Variants in DGLUCY observed in about 807,000 individuals in gnomAD.
The protein encoded by DGLUCY is D-glutamate cyclase.
Under a neutral mutation model 58.5 loss-of-function variants are expected in DGLUCY, and 58 were observed. The ratio of observed to expected loss-of-function variants is 0.99; its 90% CI spans 0.80 to 1.23. DGLUCY has a LOEUF of 1.23. Ranked by LOEUF, DGLUCY falls within the 50% of genes most tolerant of loss-of-function variation. The probability of loss-of-function intolerance (pLI) is 0.00; values close to 1 mark genes in which losing one functional copy is unlikely to be tolerated. For missense variants in DGLUCY, 779 were observed against 784.7 expected (o/e 0.99, Z 0.09); for synonymous variants, 325 against 314.1 (o/e 1.03, Z -0.37).
chr14:91,144,147 A>G (rs150018702), intron 1 of DGLUCY, among the ~76,000 whole-genome samples: 198 of 152,352 alleles, frequency 1.3e-3, no homozygotes, highest in African/African-American at 4.4e-3. Flanking sequence ...CATTCAGCCC[A>G]GAGCCTGGTA....
At chr14:91,111,236 G>A (rs2044691420), upstream of DGLUCY, among the ~76,000 whole-genome samples, 1 of 109,908 alleles carries the variant, frequency 9.1e-6, no homozygotes, top group African/African-American at 3.7e-5. Flanking sequence ...GTGTGTGTGT[G>A]TGTGTGTGTG....
chr14:91,207,285 A>G (rs1427452526), intron 12 of DGLUCY, among the ~76,000 whole-genome samples: 1 of 152,104 alleles, frequency 6.6e-6, no homozygotes, highest in Non-Finnish European at 1.5e-5. Context: ...GAGCTTCAAG[A>G]TATCTCAACA....
chr14:91,172,515 G>A (rs943012653), intron 5 of DGLUCY, among the ~76,000 whole-genome samples: 6 of 152,166 alleles, frequency 3.9e-5, no homozygotes, highest in South Asian at 2.1e-4. Context: ...TTCATATCAC[G>A]TTAGAGTTCT....
chr14:91,175,054 A>G (rs780270453), intron 6 of DGLUCY, among the ~76,000 whole-genome samples: 1 of 152,128 alleles, frequency 6.6e-6, no homozygotes, highest in Non-Finnish European at 1.5e-5. Context: ...TGAACTTCCA[A>G]TGAATCTGGG....
chr14:91,114,073 A>C lies in DGLUCY; in HGVS notation c.-292A>C, dbSNP rs2044761951. 2 of 152,360 alleles carry C rather than the reference A, an allele frequency of 1.3e-5. No homozygotes were observed. The allele number at this position is 152,360 out of a possible 1,614,324, so 9.4% of individuals were successfully genotyped here. On this transcript the variant is annotated 5_prime_UTR_variant, in exon 1 of 14. Coordinates refer to ENST00000256324, the MANE Select transcript of DGLUCY (RefSeq NM_001102368.3). ...GCTGCTGCATGGGCCACGTGAGCTC[A>C]GGCTGTGGGAGCGGATGGAGCTGCT...
At chr14:91,184,330 G>A (rs2049355045) in intron 8 of DGLUCY, among the ~76,000 whole-genome samples, 1 of 151,634 alleles carries the variant, frequency 6.6e-6, no homozygotes, top group Non-Finnish European at 1.5e-5. Flanking sequence ...GATCACTTGA[G>A]GTCAGGAGTT....
At position 91,224,994 on chromosome 14, in the gene DGLUCY, G is replaced by T; in HGVS notation, c.*161G>T. On this transcript the variant is annotated 3_prime_UTR_variant, in exon 14 of 14. Transcript: ENST00000256324. Reference sequence around the variant, plus strand: ...AAACTGCATGCCCACTTTCTGGGAGGGGTTAGTGCAGGTGCTGTGGACAAA... The same window carrying T: ...AAACTGCATGCCCACTTTCTGGGAGTGGTTAGTGCAGGTGCTGTGGACAAA... 1 of 798,712 alleles carries T rather than the reference G, an allele frequency of 1.3e-6. No homozygotes were observed. Among genetic ancestry groups the T allele is most frequent in the Non-Finnish European group, 1.8e-6 (1 of 543,892 alleles). The allele number at this position is 798,712 out of a possible 1,614,324, so 49.5% of individuals were successfully genotyped here.
chr14:91,083,152 C>T (rs1484487148), intron 1 of DGLUCY, among the ~76,000 whole-genome samples: 1 of 152,182 alleles, frequency 6.6e-6, no homozygotes, highest in Non-Finnish European at 1.5e-5. Context: ...GGGAAAAGAG[C>T]CACATTTGTG....
At chr14:91,209,415 A>G (rs1885307228) in intron 12 of DGLUCY, among the ~76,000 whole-genome samples, 1 of 152,058 alleles carries the variant, frequency 6.6e-6, no homozygotes, top group Admixed American at 6.6e-5. Flanking sequence ...GAACTTAAAA[A>G]ATCAAGATTG....
At chr14:91,173,232 T>G in intron 5 of DGLUCY, 57 bp from the exon 6 acceptor site, 1 of 1,595,810 alleles carries the variant, frequency 6.3e-7, no homozygotes, top group Non-Finnish European at 8.6e-7. Context: ...AGAGCTTGGA[T>G]CTGTGCTAAT....
At chr14:91,191,871 T>A (rs567989011) in intron 9 of DGLUCY, among the ~76,000 whole-genome samples, 2 of 152,202 alleles carry the variant, frequency 1.3e-5, no homozygotes, top group East Asian at 3.9e-4. Context: ...ACTGGCAGGT[T>A]TAGGGGTAAA....
Position 91,217,845 on chromosome 14 carries a change from G to C in DGLUCY, c.1716+2289G>C, listed in dbSNP as rs137985810. On this transcript the variant is annotated intron_variant, in intron 13 of 13. Transcript: ENST00000256324. ...CCCTGTCTCTTCCCTTTTTCCTTCT[G>C]TCTGTCTCTCCCTCTCTGTTTCTCT... Among the ~76,000 whole-genome samples the C allele has an allele frequency of 1.7e-3, 252 of 151,690 alleles. 2 individuals carry two copies. The highest frequency in any genetic ancestry group is 4.9e-3 in the African/African-American group (201 of 41,406).
At chr14:91,197,723 T>A (rs1177122683) in intron 10 of DGLUCY, among the ~76,000 whole-genome samples, 6 of 152,386 alleles carry the variant, frequency 3.9e-5, no homozygotes, top group African/African-American at 1.4e-4. Context: ...TGTGCCAGAA[T>A]GTCCTGCCTT....
chr14:91,079,558 G>T (rs2044090213), intron 1 of DGLUCY, among the ~76,000 whole-genome samples: 1 of 151,888 alleles, frequency 6.6e-6, no homozygotes, highest in Non-Finnish European at 1.5e-5. Context: ...TTCGCCATAT[G>T]GGCCGGGCTG....
At chr14:91,089,731 G>T (rs1026071488) in intron 1 of DGLUCY, among the ~76,000 whole-genome samples, 11 of 150,670 alleles carry the variant, frequency 7.3e-5, no homozygotes, top group African/African-American at 2.4e-4. Flanking sequence ...TGATACAGGA[G>T]AATCACTTGA....
At chr14:91,177,239 G>A (rs1244928301) in intron 7 of DGLUCY, among the ~76,000 whole-genome samples, 1 of 152,172 alleles carries the variant, frequency 6.6e-6, no homozygotes, top group Non-Finnish European at 1.5e-5. Context: ...GGGCTCAAGT[G>A]ATTCTCCTGC....
intron 4 of DGLUCY, chr14:91,167,635 G>T: frequency 1.4e-6 from 1 of 707,432 alleles, no homozygotes; most frequent in Non-Finnish European, 2.6e-6. Flanking sequence ...AATCCCACTG[G>T]CTCTGCCATC....
At position 91,181,246 on chromosome 14, in the gene DGLUCY, C is replaced by T; in HGVS notation, c.791C>T (p.Ala264Val). The T allele has an allele frequency of 6.2e-7, 1 of 1,614,188 alleles. No individual in the cohort carries two copies. The highest frequency in any genetic ancestry group is 8.5e-7 in the Non-Finnish European group (1 of 1,180,028). ...ACAGTTATGACTGACCTGAAGGATG[C>T]AAAGGCTCCACCTGGTTGTCTCACC... ...GCTVMTDLKD[A>V]KAPPGCLTPE... Residue 264 changes from alanine (A) to valine (V), a missense_variant, in exon 8 of 14, where the codon GCA becomes GTA. Coordinates refer to ENST00000256324, the MANE Select transcript of DGLUCY (RefSeq NM_001102368.3).
chr14:91,182,006 A>T (rs978319142), intron 8 of DGLUCY, among the ~76,000 whole-genome samples: 2 of 143,368 alleles, frequency 1.4e-5, no homozygotes, highest in African/African-American at 5.9e-5. Context: ...TTTGAGATGG[A>T]GTCTCACTCT....
Sources: allele counts gnomAD v4.1 joint callset (sites outside exome capture counted in the v4.1 genomes callset), GRCh38; gene constraint gnomAD v4.1.1; transcripts MANE v1.5; gene names NCBI Gene and HGNC (gene_info 2026-07-23, HGNC 2026-07-21).